Variants in STRADA observed in about 807,000 individuals in gnomAD.
The protein encoded by STRADA is STE20-related kinase adapter protein alpha.
Under a neutral mutation model 55.0 loss-of-function variants are expected in STRADA, and 26 were observed. The ratio of observed to expected loss-of-function variants is 0.47; its 90% CI spans 0.35 to 0.66. STRADA has a LOEUF of 0.66. STRADA is among the 30% of genes least tolerant of loss of function. The pLI is 0.01. For missense variants in STRADA, 443 were observed against 549.7 expected, an observed-to-expected ratio of 0.81 and a Z score of 1.94; for synonymous variants, 197 against 210.9, an observed-to-expected ratio of 0.93 and a Z score of 0.57.
At chr17:63,734,174 T>C (rs1451575476) in intron 1 of STRADA, among the ~76,000 whole-genome samples, 2 of 152,252 alleles carry the variant, frequency 1.3e-5, no homozygotes, top group Non-Finnish European at 2.9e-5. Context: ...GCCTAGGTCT[T>C]ACTCTATTTG....
intron 8 of STRADA, 176 bp downstream of exon 8, chr17:63,710,315 C>G: frequency 1.9e-6 from 2 of 1,055,142 alleles, no homozygotes; most frequent in Non-Finnish European, 2.6e-6. Flanking sequence ...TGATTACAGG[C>G]GTGAGCCATC....
intron 4 of STRADA, among the ~76,000 whole-genome samples, chr17:63,716,674 G>A (rs1164889341): frequency 6.6e-6 from 1 of 152,118 alleles, no homozygotes; most frequent in East Asian, 1.9e-4. Flanking sequence ...CATGTCCAGT[G>A]AAGTTAGGAA....
Position 63,707,428 on chromosome 17 carries a change from C to T in STRADA, c.582-10G>A, listed in dbSNP as rs770244423. On this transcript the variant is annotated splice_polypyrimidine_tract_variant and intron_variant, in intron 8 of 12. Coordinates refer to ENST00000336174, the MANE Select transcript of STRADA (RefSeq NM_001003787.4). ...GCTGGCTTTGACACTCCTGGGGAAG[C>T]GGGGAGGGTGTCATGTCGAGAGCAG... 19 of 1,610,796 alleles carry T rather than the reference C, an allele frequency of 1.2e-5. No homozygotes were observed. Among genetic ancestry groups the T allele is most frequent in the African/African-American group, 2.7e-5 (2 of 74,844 alleles).
At chr17:63,714,234 T>C (rs1414032183) in intron 4 of STRADA, 126 bp from the exon 5 acceptor site, 2 of 693,376 alleles carry the variant, frequency 2.9e-6, no homozygotes, top group Non-Finnish European at 5.2e-6. Context: ...CCCGACTCAG[T>C]GCCAGCACTA....
chr17:63,729,494 CTA>C (rs2037879141), intron 1 of STRADA, among the ~76,000 whole-genome samples: 1 of 152,000 alleles, frequency 6.6e-6, no homozygotes, highest in African/African-American at 2.4e-5. Context: ...ATAGAAATAA[CTA>C]TGTCTCAGCC....
Position 63,703,707 on chromosome 17 carries a change from AG to A in STRADA, c.1187del (p.Pro396LeufsTer23). ...CCTCAAAATTGGTGATGGGGGTGAC[AG>A]GACGAAGCAATTCGGGCAAAGCCTC... ...ASEALPELLR[P>X]VTPITNFEGS... On this transcript the variant is annotated frameshift_variant, in exon 13 of 13. Transcript: ENST00000336174. LOFTEE classifies it high-confidence loss of function. 6.2e-7 allele frequency: 1 copy of A among 1,614,216 alleles called. No individual in the cohort carries two copies. Among genetic ancestry groups the A allele is most frequent in the Non-Finnish European group, 8.5e-7 (1 of 1,180,020 alleles).
intron 4 of STRADA, chr17:63,718,856 G>A (rs751440030): frequency 6.6e-6 from 1 of 152,092 alleles, no homozygotes; most frequent in Non-Finnish European, 1.5e-5. Context: ...AGTAAACTAG[G>A]CTCCTGGTCA....
intron 4 of STRADA, among the ~76,000 whole-genome samples, chr17:63,716,550 A>G (rs562285357): frequency 4.5e-4 from 69 of 152,252 alleles, no homozygotes; most frequent in Non-Finnish European, 8.1e-4. Context: ...GCGTTCTCCA[A>G]GGTGAAAATG....
chr17:63,729,596 C>A (rs2037886297), intron 1 of STRADA, among the ~76,000 whole-genome samples: 1 of 151,906 alleles, frequency 6.6e-6, no homozygotes, highest in Non-Finnish European at 1.5e-5. Flanking sequence ...ACTAGCCTGA[C>A]CAACATGGTA....
At chr17:63,704,654 G>A (rs2035960426) in intron 10 of STRADA, 72 bp from the exon 11 acceptor site, 1 of 1,517,258 alleles carries the variant, frequency 6.6e-7, no homozygotes, top group Admixed American at 2.0e-5. Context: ...AGGCCTGAGA[G>A]TCTCTTCACA....
intron 1 of STRADA, among the ~76,000 whole-genome samples, chr17:63,730,780 C>T (rs1190496558): frequency 1.3e-5 from 2 of 151,902 alleles, no homozygotes; most frequent in East Asian, 1.9e-4. Flanking sequence ...AGGCTGGTCT[C>T]GAACCCTTGA....
chr17:63,732,519 G>T (rs966499736), intron 1 of STRADA, among the ~76,000 whole-genome samples: 10 of 152,138 alleles, frequency 6.6e-5, no homozygotes, highest in African/African-American at 2.2e-4. Context: ...GTGTAGGCCG[G>T]GCGTGGTGGT....
chr17:63,715,863 TCA>T (rs2036838692), intron 4 of STRADA, among the ~76,000 whole-genome samples: 1 of 152,212 alleles, frequency 6.6e-6, no homozygotes, highest in South Asian at 2.1e-4. Context: ...TGAATATATC[TCA>T]GTTTATCCAA....
In STRADA at chr17:63,704,018, G is replaced by C. The variant is rs1394464403; in HGVS notation, c.1130C>G (p.Ser377Cys). 5 of 1,614,040 alleles carry C rather than the reference G, an allele frequency of 3.1e-6. No homozygotes were observed. The highest frequency in any genetic ancestry group is 4.2e-6 in the Non-Finnish European group (5 of 1,180,018). Residue 377 changes from serine to cysteine, a missense_variant, in exon 12 of 13, where the codon TCT becomes TGT. Ser to Cys is a moderately radical substitution (Grantham distance 112). Coordinates refer to ENST00000336174, the MANE Select transcript of STRADA (RefSeq NM_001003787.4). ...GGGCTACGATACCTGCTTGAAGAAA[G>C]AGTGGTTCAGGAGGGTGCTGGCACT... ...RPSASTLLNH[S>C]FFKQIKRRAS...
intron 1 of STRADA, among the ~76,000 whole-genome samples, chr17:63,740,135 C>A (rs56821830): frequency 1.8e-5 from 1 of 54,220 alleles, no homozygotes; most frequent in African/African-American, 8.0e-5. Flanking sequence ...TATACACATA[C>A]ATATATATAT....
intron 4 of STRADA, among the ~76,000 whole-genome samples, chr17:63,716,216 C>T (rs1223404565): frequency 6.6e-6 from 1 of 151,950 alleles, no homozygotes; most frequent in Non-Finnish European, 1.5e-5. Flanking sequence ...CTGCCTCAGC[C>T]TCCCAGGTAG....
At chr17:63,728,214 C>T in intron 2 of STRADA, 120 bp downstream of exon 2, 4 of 873,694 alleles carry the variant, frequency 4.6e-6, no homozygotes, top group East Asian at 2.7e-5. Context: ...TTACTTCCTA[C>T]ATCCCTCACT....
chr17:63,733,667 A>G (rs985180535), intron 1 of STRADA, among the ~76,000 whole-genome samples: 3 of 152,156 alleles, frequency 2.0e-5, no homozygotes, highest in African/African-American at 7.2e-5. Context: ...GAGATTTCCC[A>G]TTTTCCTAAA....
At chr17:63,737,985 G>A (rs2038570936) in intron 1 of STRADA, among the ~76,000 whole-genome samples, 1 of 148,562 alleles carries the variant, frequency 6.7e-6, no homozygotes, top group South Asian at 2.2e-4. Context: ...GGACCCCGTC[G>A]AAAAGAAAAG....
Sources: allele counts gnomAD v4.1 joint callset (sites outside exome capture counted in the v4.1 genomes callset), GRCh38; gene constraint gnomAD v4.1.1; transcripts MANE v1.5; gene names NCBI Gene and HGNC (gene_info 2026-07-23, HGNC 2026-07-21).